Variants in GRID1 observed in about 807,000 individuals in gnomAD.
The protein encoded by GRID1 is glutamate receptor ionotropic, delta-1.
In GRID1, 28 loss-of-function variants were observed where a neutral mutation model predicts 98.0. That is an observed-to-expected ratio of 0.29 (90% confidence interval 0.21 to 0.39). The LOEUF is 0.39. Among genes scored for constraint, GRID1 ranks in the 10% least tolerant of loss-of-function variants. GRID1 has a pLI of 1.00. For missense variants in GRID1, 1,111 were observed against 1,340.5 expected (o/e 0.83, Z 2.67); for synonymous variants, 553 against 538.5 (o/e 1.03, Z -0.37).
At chr10:85,859,813 C>T (rs1388678067) in intron 6 of GRID1, among the ~76,000 whole-genome samples, 1 of 152,164 alleles carries the variant, frequency 6.6e-6, no homozygotes, top group African/African-American at 2.4e-5. Flanking sequence ...CTTTAGCTGA[C>T]AGTTCACTGG....
chr10:86,306,328 C>A (rs1426090124), intron 2 of GRID1, among the ~76,000 whole-genome samples: 1 of 152,210 alleles, frequency 6.6e-6, no homozygotes, highest in Non-Finnish European at 1.5e-5. Context: ...GTGGCTTATA[C>A]AGGGCTCTCT....
At chr10:86,364,620 A>G (rs1026739780) in intron 1 of GRID1, among the ~76,000 whole-genome samples, 4 of 152,214 alleles carry the variant, frequency 2.6e-5, no homozygotes, top group African/African-American at 9.6e-5. Context: ...TTTCCTGCGC[A>G]GAGGGGTCTT....
chr10:86,173,646 A>G (rs11815506), intron 3 of GRID1, among the ~76,000 whole-genome samples: 23,124 of 150,808 alleles, frequency 0.15, 2,525 homozygotes, highest in African/African-American at 0.3. Context: ...ACATATGTAT[A>G]CATGTGCCAT....
chr10:85,612,501 G>C (rs1286890916), intron 15 of GRID1, among the ~76,000 whole-genome samples: 2 of 152,152 alleles, frequency 1.3e-5, no homozygotes, highest in Non-Finnish European at 2.9e-5. Context: ...GATGCAGGTT[G>C]CTTTACCACT....
At chr10:85,655,591 T>C (rs1840885623) in intron 12 of GRID1, among the ~76,000 whole-genome samples, 1 of 152,246 alleles carries the variant, frequency 6.6e-6, no homozygotes, top group African/African-American at 2.4e-5. Context: ...TTTAGAATCA[T>C]GACCACTAGC....
intron 4 of GRID1, among the ~76,000 whole-genome samples, chr10:86,119,863 T>C (rs1844640637): frequency 1.3e-5 from 2 of 152,084 alleles, no homozygotes; most frequent in African/African-American, 4.8e-5. Flanking sequence ...CCATCTCAGC[T>C]CACTGCAAGC....
intron 15 of GRID1, among the ~76,000 whole-genome samples, chr10:85,609,986 G>A (rs1590157648): frequency 6.6e-6 from 1 of 152,146 alleles, no homozygotes; most frequent in Non-Finnish European, 1.5e-5. Context: ...ATATTAAGGG[G>A]TTGAAAGCAC....
intron 4 of GRID1, among the ~76,000 whole-genome samples, chr10:85,917,476 A>G (rs970404201): frequency 1.3e-5 from 2 of 152,260 alleles, no homozygotes; most frequent in African/African-American, 2.4e-5. Flanking sequence ...AAATAGCTAC[A>G]AATAGATATC....
intron 8 of GRID1, among the ~76,000 whole-genome samples, chr10:85,749,425 C>T (rs1842025905): frequency 6.6e-6 from 1 of 152,176 alleles, no homozygotes; most frequent in Non-Finnish European, 1.5e-5. Context: ...ATCAGGCTTT[C>T]TGTGAACAAG....
rs577142392 is a variant in GRID1, at chr10:85,760,577, C to T, written c.1234-30963G>A. On this transcript the variant is annotated intron_variant, in intron 8 of 15. Coordinates refer to ENST00000327946, the MANE Select transcript of GRID1 (RefSeq NM_017551.3). Reference sequence around the variant, plus strand: ...CACAAAGAGCCCTGCATCCTTTAATCATCAAGCCTTTCAGTGTCTTGGAAA... The same window carrying T: ...CACAAAGAGCCCTGCATCCTTTAATTATCAAGCCTTTCAGTGTCTTGGAAA... Among the ~76,000 whole-genome samples the T allele has an allele frequency of 2.4e-4, 36 of 152,318 alleles. No homozygotes were observed. The East Asian group carries it at 6.0e-3, about 25-fold the overall frequency.
At chr10:85,717,475 C>T (rs554405479) in intron 12 of GRID1, among the ~76,000 whole-genome samples, 1 of 152,154 alleles carries the variant, frequency 6.6e-6, no homozygotes, top group East Asian at 1.9e-4. Flanking sequence ...CATCAGATCT[C>T]GTGAGACTAT....
intron 3 of GRID1, among the ~76,000 whole-genome samples, chr10:86,141,662 T>C (rs949871851): frequency 6.6e-6 from 1 of 152,204 alleles, no homozygotes; most frequent in African/African-American, 2.4e-5. Flanking sequence ...CGTCAATTAA[T>C]TGAAGAGAAA....
chr10:86,219,848 C>A (rs986079884), intron 2 of GRID1, among the ~76,000 whole-genome samples: 4 of 152,222 alleles, frequency 2.6e-5, no homozygotes, highest in South Asian at 2.1e-4. Context: ...GCATCTCTCA[C>A]AAACTAACTC....
chr10:85,685,999 C>T (rs114773044), intron 12 of GRID1, among the ~76,000 whole-genome samples: 5,832 of 152,026 alleles, frequency 0.038, 150 homozygotes, highest in African/African-American at 0.053. Flanking sequence ...AAAAACCCAT[C>T]GCATAAAGGT....
chr10:86,060,595 G>A (rs951680152), intron 4 of GRID1, among the ~76,000 whole-genome samples: 1 of 152,222 alleles, frequency 6.6e-6, no homozygotes, highest in Non-Finnish European at 1.5e-5. Context: ...TAAAGCCCGG[G>A]TCACTTAACC....
At chr10:85,901,547 C>T (rs1841389985) in intron 5 of GRID1, among the ~76,000 whole-genome samples, 1 of 152,184 alleles carries the variant, frequency 6.6e-6, no homozygotes, top group East Asian at 1.9e-4. Flanking sequence ...TTGCTGTCTG[C>T]CTGACACTGT....
intron 8 of GRID1, among the ~76,000 whole-genome samples, chr10:85,805,780 GTAAA>G (rs1255515007): frequency 2.0e-5 from 3 of 151,748 alleles, no homozygotes; most frequent in African/African-American, 4.8e-5. Flanking sequence ...AAATAAATAG[GTAAA>G]TAAATACCTT....
chr10:85,834,640 G>T (rs1842897031), intron 8 of GRID1, among the ~76,000 whole-genome samples: 1 of 151,984 alleles, frequency 6.6e-6, no homozygotes, highest in Non-Finnish European at 1.5e-5. Context: ...AAGTATGAAA[G>T]GTAAAGGTAC....
chr10:85,602,808 G>A, intron 15 of GRID1, 107 bp from the exon 16 acceptor site: 1 of 761,976 alleles, frequency 1.3e-6, no homozygotes, highest in Non-Finnish European at 2.1e-6. Context: ...AGCCTGTTGG[G>A]CTGTGGGCGA....
Sources: gnomAD v4.1 joint callset for allele counts (sites outside exome capture counted in the v4.1 genomes callset) on GRCh38, gnomAD v4.1.1 for gene constraint, MANE v1.5 for transcripts, NCBI Gene and HGNC (gene_info 2026-07-23, HGNC 2026-07-21) for gene names.